The following WDFY3 variants were observed in gnomAD, a reference collection of about 807,000 sequenced individuals.
The protein encoded by WDFY3 is WD repeat and FYVE domain-containing protein 3.
WDFY3 carries 66 observed loss-of-function variants against 409.6 expected under a neutral mutation model. That is an observed-to-expected ratio of 0.16 (90% CI 0.13 to 0.20). The LOEUF is 0.20. Ranked by LOEUF, WDFY3 falls within the 10% of genes least tolerant of loss-of-function variation. The pLI is 1.00. For synonymous variants in WDFY3, 1,521 were observed against 1,537.1 expected (o/e 0.99, Z 0.25); for missense variants, 3,031 against 4,298.1 (o/e 0.71, Z 8.24).
chr4:84,766,430 C>A, intron 30 of WDFY3, 58 bp from the exon 31 acceptor site: 3 of 1,474,990 alleles, frequency 2.0e-6, no homozygotes, highest in Non-Finnish European at 2.7e-6. Context: ...AGAAAATTTA[C>A]AACATAGTTC....
At chr4:84,678,358 G>T in intron 65 of WDFY3, 79 bp from the exon 66 acceptor site, 4 of 1,065,178 alleles carry the variant, frequency 3.8e-6, no homozygotes, top group Non-Finnish European at 4.4e-6. Flanking sequence ...TAAGATGGTG[G>T]CCTTAAACTT....
At chr4:84,726,996 A>G in intron 44 of WDFY3, 85 bp from the exon 45 acceptor site, 1 of 1,219,962 alleles carries the variant, frequency 8.2e-7, no homozygotes. Context: ...TGAGGATTGT[A>G]TGAAATATGA....
At chr4:84,767,232 G>A (rs957566092) in intron 30 of WDFY3, among the ~76,000 whole-genome samples, 21 of 149,552 alleles carry the variant, frequency 1.4e-4, no homozygotes, top group Non-Finnish European at 1.2e-4. Context: ...GATCTTTTAT[G>A]TTACTATCAT....
intron 46 of WDFY3, among the ~76,000 whole-genome samples, chr4:84,722,986 C>T (rs1735082878): frequency 6.6e-6 from 1 of 152,204 alleles, no homozygotes; most frequent in Non-Finnish European, 1.5e-5. Flanking sequence ...ACCTCCATTT[C>T]TATGTCTAGC....
chr4:84,954,614 G>A (rs768127122), intron 1 of WDFY3, among the ~76,000 whole-genome samples: 1 of 152,132 alleles, frequency 6.6e-6, no homozygotes, highest in Non-Finnish European at 1.5e-5. Context: ...GTTCCTCAGA[G>A]TAACAGTGAA....
At position 84,810,307 on chromosome 4, in the gene WDFY3, C is replaced by A; in HGVS notation, c.1925G>T (p.Arg642Ile). Residue 642 changes from arginine to isoleucine, a missense_variant, in exon 14 of 68, where the codon AGA (arginine) becomes ATA (isoleucine). Transcript: ENST00000295888. ...TCCTCCAACTTTCCTAAAAACTGTT[C>A]TTGAACGATGGCTTTCTCGAAGGAC... is the stretch of plus-strand genomic sequence containing the variant. ...LSVLRESHRSRTVFRKVGGFV... is the reference protein window; with the variant it reads ...LSVLRESHRSITVFRKVGGFV... 6.2e-7 allele frequency: 1 copy of A among 1,609,780 alleles called. No individual in the cohort carries two copies. The highest frequency in any genetic ancestry group is 1.1e-5 in the South Asian group (1 of 90,878).
intron 16 of WDFY3, 95 bp from the exon 17 acceptor site, chr4:84,801,959 T>G: frequency 1.6e-6 from 2 of 1,282,794 alleles, no homozygotes; most frequent in Non-Finnish European, 2.1e-6. Flanking sequence ...AATTTTTTTT[T>G]TTTTTGAGAC....
chr4:84,796,624 C>A lies in WDFY3; in HGVS notation c.3064G>T (p.Val1022Leu). Reference sequence around the variant, plus strand: ...GTTGTCATGGAGACCAGACACTTCACCCTGGTCAGGGGTACAGTACTTCCT... The same window carrying A: ...GTTGTCATGGAGACCAGACACTTCAACCTGGTCAGGGGTACAGTACTTCCT... ...AEGSTVPLTR[V>L]KCLVSMTTPH... The change falls in exon 19 of 68, where the codon GTG (valine) becomes TTG (leucine). Residue 1022 changes from valine (V) to leucine (L), a missense_variant. Physicochemically the swap from Val to Leu is conservative, Grantham distance 32 (BLOSUM62 1). Coordinates refer to ENST00000295888, the MANE Select transcript of WDFY3 (RefSeq NM_014991.6). 6.2e-7 allele frequency: 1 copy of A among 1,614,116 alleles called. No homozygotes were observed. Among genetic ancestry groups the A allele is most frequent in the Non-Finnish European group, 8.5e-7 (1 of 1,179,986 alleles).
At chr4:84,935,273 A>G (rs1771271110) in intron 1 of WDFY3, among the ~76,000 whole-genome samples, 1 of 152,166 alleles carries the variant, frequency 6.6e-6, no homozygotes, top group Non-Finnish European at 1.5e-5. Context: ...TTAACTTTTC[A>G]TGATGATGCC....
At chr4:84,740,122 A>C in intron 39 of WDFY3, 65 bp downstream of exon 39, 1 of 1,499,190 alleles carries the variant, frequency 6.7e-7, no homozygotes, top group Non-Finnish European at 9.2e-7. Flanking sequence ...AAAAAAAATA[A>C]AGAATTTTGT....
At chr4:84,848,483 G>C (rs1758424099) in intron 5 of WDFY3, among the ~76,000 whole-genome samples, 1 of 152,136 alleles carries the variant, frequency 6.6e-6, no homozygotes, top group Admixed American at 6.5e-5. Context: ...CTGCATGGAA[G>C]GACAGAGCTA....
chr4:84,756,849 T>C (rs933088341), intron 33 of WDFY3, 77 bp downstream of exon 33: 7 of 1,407,466 alleles, frequency 5.0e-6, no homozygotes, highest in Non-Finnish European at 6.8e-6. Context: ...CAGTTGGTTT[T>C]ACAGTGATTA....
chr4:84,749,825 T>C (rs1740189475), intron 36 of WDFY3, among the ~76,000 whole-genome samples: 1 of 152,186 alleles, frequency 6.6e-6, no homozygotes, highest in Admixed American at 6.5e-5. Context: ...CTCGCTAGTA[T>C]ATTGAAGCAC....
chr4:84,925,554 A>T (rs559160625), intron 2 of WDFY3, among the ~76,000 whole-genome samples: 1 of 152,364 alleles, frequency 6.6e-6, no homozygotes, highest in Non-Finnish European at 1.5e-5. Flanking sequence ...TTTTTAAAGA[A>T]TAAACAGCAC....
intron 57 of WDFY3, among the ~76,000 whole-genome samples, 189 bp downstream of exon 57, chr4:84,696,543 T>C (rs896334796): frequency 4.6e-5 from 7 of 152,218 alleles, no homozygotes; most frequent in African/African-American, 1.7e-4. Context: ...TTTATATATA[T>C]ATATAGGGTT....
intron 4 of WDFY3, among the ~76,000 whole-genome samples, chr4:84,859,204 T>C (rs1026082087): frequency 1.3e-5 from 2 of 152,128 alleles, no homozygotes; most frequent in African/African-American, 4.8e-5. Context: ...GGTAGTATAG[T>C]ATAAGGTTCA....
Position 84,741,911 on chromosome 4 carries a change from T to G in WDFY3, c.6084A>C (p.Ala2028=). Residue 2028 remains alanine (A), a synonymous_variant, in exon 38 of 68, where the codon GCA becomes GCC. Transcript: ENST00000295888. The stretch of plus-strand genomic sequence containing the variant: ...TTCCTCCACTGGTAATAGGCAGAGA[T>G]GCATCTTCCCCTAAATTCCAGTAGG... ...LAADVLLGED[A]SLPITSGGSY... 1 of 1,587,688 alleles carries G rather than the reference T, an allele frequency of 6.3e-7. No individual in the cohort carries two copies. Among genetic ancestry groups the G allele is most frequent in the Non-Finnish European group, 8.6e-7 (1 of 1,162,300 alleles).
chr4:84,943,578 G>A (rs563623080), intron 1 of WDFY3, among the ~76,000 whole-genome samples: 73 of 152,086 alleles, frequency 4.8e-4, no homozygotes, highest in Non-Finnish European at 7.8e-4. Context: ...TATGTTATCA[G>A]TAACACTATC....
chr4:84,790,223 G>A (rs1291111252), intron 21 of WDFY3, among the ~76,000 whole-genome samples: 5 of 151,866 alleles, frequency 3.3e-5, no homozygotes, highest in African/African-American at 9.7e-5. Flanking sequence ...GGTGGCGCGC[G>A]TCTGTAGTTC....
Sources: gnomAD v4.1 joint callset for allele counts (sites outside exome capture counted in the v4.1 genomes callset) on GRCh38, gnomAD v4.1.1 for gene constraint, MANE v1.5 for transcripts, NCBI Gene and HGNC (gene_info 2026-07-23, HGNC 2026-07-21) for gene names.